Variants in LUZP2 observed in about 807,000 individuals in gnomAD.
The protein encoded by LUZP2 is leucine zipper protein 2.
In LUZP2, 52 loss-of-function variants were observed where a neutral mutation model predicts 51.6. The ratio of observed to expected loss-of-function variants is 1.01; its 90% CI spans 0.81 to 1.27. LUZP2 has a LOEUF of 1.27. Ranked by LOEUF, LUZP2 falls within the 50% of genes most tolerant of loss-of-function variation. The pLI, the probability that LUZP2 is intolerant of heterozygous loss-of-function variation, is 0.00. For missense variants in LUZP2, 436 were observed against 395.4 expected, an observed-to-expected ratio of 1.10 and a Z score of -0.87; for synonymous variants, 154 against 137.3, an observed-to-expected ratio of 1.12 and a Z score of -0.85.
intron 6 of LUZP2, among the ~76,000 whole-genome samples, chr11:24,908,911 G>A (rs1025010228): frequency 9.9e-5 from 15 of 151,362 alleles, no homozygotes; most frequent in Non-Finnish European, 2.1e-4. Context: ...CTATTAGCCC[G>A]CCACCACACC....
intron 1 of LUZP2, among the ~76,000 whole-genome samples, chr11:24,574,211 C>CCTTTCTTT (rs1169525307): frequency 0.052 from 314 of 6,068 alleles, 3 homozygotes; most frequent in Admixed American, 0.086. Context: ...TTTCTTCCTT[C>CCTTTCTTT]CTTTCTTTCT....
chr11:25,056,897 G>A (rs1438173497), intron 10 of LUZP2, among the ~76,000 whole-genome samples: 1 of 152,056 alleles, frequency 6.6e-6, no homozygotes, highest in African/African-American at 2.4e-5. Context: ...TCAGGAGATC[G>A]AGACCATCCT....
rs1266658746 is a variant in LUZP2, at chr11:24,916,151, T to C, written c.522+1613T>C. On this transcript the variant is annotated intron_variant, in intron 7 of 11. Transcript: ENST00000336930. ...CTTATTAATGCTTGAGAGCTGCCTT[T>C]AGCTTGGAAGAGGCTTTTAGCTGAA... Among the ~76,000 whole-genome samples, 8 of 151,664 alleles carry C rather than the reference T, an allele frequency of 5.3e-5. No homozygotes were observed. In the South Asian group the frequency reaches 1.5e-3, roughly 27 times the overall value.
intron 1 of LUZP2, among the ~76,000 whole-genome samples, chr11:24,579,968 A>G (rs1323475366): frequency 1.3e-5 from 2 of 152,122 alleles, no homozygotes; most frequent in Non-Finnish European, 2.9e-5. Context: ...CTTAGTGATC[A>G]GTATGAAACA....
intron 1 of LUZP2, among the ~76,000 whole-genome samples, chr11:24,568,572 A>G (rs1354897098): frequency 1.3e-5 from 2 of 151,996 alleles, no homozygotes; most frequent in African/African-American, 4.8e-5. Context: ...AGAACTTTAC[A>G]GTTTAGAAAT....
At position 24,958,853 on chromosome 11, in the gene LUZP2, A is replaced by T. The variant is rs188392688; in HGVS notation, c.523-17738A>T. ...CATGCCTATGTCCTGAATGGTAATG[A>T]CTTGGTTTTCTTCTAGGGTTTTTAT... On this transcript the variant is annotated intron_variant, in intron 7 of 11. Coordinates refer to ENST00000336930, the MANE Select transcript of LUZP2 (RefSeq NM_001009909.4). Among the ~76,000 whole-genome samples, 1,247 of 152,040 alleles carry T rather than the reference A, an allele frequency of 8.2e-3. 14 individuals carry two copies. The highest frequency in any genetic ancestry group is 0.029 in the African/African-American group (1,183 of 41,468).
intron 7 of LUZP2, among the ~76,000 whole-genome samples, chr11:24,920,703 A>AC: frequency 6.6e-6 from 1 of 152,116 alleles, no homozygotes; most frequent in Middle Eastern, 3.4e-3. Flanking sequence ...TAAAAAAAAA[A>AC]ACCTGCATGT....
chr11:24,615,899 T>G (rs914388512), intron 1 of LUZP2, among the ~76,000 whole-genome samples: 1 of 151,576 alleles, frequency 6.6e-6, no homozygotes, highest in Admixed American at 6.6e-5. Context: ...TGAATTTGCA[T>G]TTCCCTGATG....
chr11:24,896,413 C>T (rs910804728), intron 5 of LUZP2, among the ~76,000 whole-genome samples: 55 of 152,288 alleles, frequency 3.6e-4, no homozygotes, highest in African/African-American at 1.2e-3. Flanking sequence ...CAGCTCCAGG[C>T]AGTGAGGGGC....
chr11:24,512,299 C>T (rs1238337988), intron 1 of LUZP2, among the ~76,000 whole-genome samples: 3 of 151,920 alleles, frequency 2.0e-5, no homozygotes, highest in African/African-American at 7.3e-5. Context: ...TCTAACATTT[C>T]AGATCTCAGT....
intron 7 of LUZP2, among the ~76,000 whole-genome samples, chr11:24,956,437 A>C (rs945733663): frequency 6.6e-6 from 1 of 152,130 alleles, no homozygotes; most frequent in Non-Finnish European, 1.5e-5. Flanking sequence ...ACTAAGCTTG[A>C]TGATTTGTTA....
At chr11:24,677,989 A>G (rs1401512123) in intron 1 of LUZP2, among the ~76,000 whole-genome samples, 7 of 147,168 alleles carry the variant, frequency 4.8e-5, no homozygotes, top group Admixed American at 2.1e-4. Context: ...GTGAGCCAAG[A>G]TAGTGCCACT....
rs147508776 is a variant in LUZP2 at position 24,850,688 on chromosome 11, T to G, written c.397-55303T>G. Among the ~76,000 whole-genome samples, 787 of 152,292 alleles carry G rather than the reference T, an allele frequency of 5.2e-3. 5 individuals are homozygous for G. The highest frequency in any genetic ancestry group is 0.018 in the African/African-American group (752 of 41,564). ...AATGGTAGCTTGATGGAGATAGCACTGAATCTATAAATTACTTTGGGCCAT... is the reference window on the plus strand; with the variant it reads ...AATGGTAGCTTGATGGAGATAGCACGGAATCTATAAATTACTTTGGGCCAT... On this transcript the variant is annotated intron_variant, in intron 5 of 11. Coordinates refer to ENST00000336930, the MANE Select transcript of LUZP2 (RefSeq NM_001009909.4).
intron 5 of LUZP2, among the ~76,000 whole-genome samples, chr11:24,897,545 G>C (rs186355557): frequency 6.6e-6 from 1 of 152,002 alleles, no homozygotes; most frequent in African/African-American, 2.4e-5. Flanking sequence ...CACTCACCGC[G>C]AAGGTCTGCA....
intron 5 of LUZP2, among the ~76,000 whole-genome samples, chr11:24,841,360 C>T (rs1221656646): frequency 6.6e-6 from 1 of 152,002 alleles, no homozygotes; most frequent in Non-Finnish European, 1.5e-5. Flanking sequence ...TTTTCAGTCT[C>T]CAGAAAATTG....
At chr11:25,023,314 T>G (rs909626896) in intron 9 of LUZP2, among the ~76,000 whole-genome samples, 4 of 152,124 alleles carry the variant, frequency 2.6e-5, no homozygotes, top group African/African-American at 9.7e-5. Flanking sequence ...TAGCCTCAAT[T>G]TCACAGTCTG....
intron 7 of LUZP2, among the ~76,000 whole-genome samples, chr11:24,954,822 T>C (rs796579922): frequency 5.9e-5 from 9 of 152,180 alleles, no homozygotes; most frequent in African/African-American, 1.9e-4. Context: ...TTCTACAAGA[T>C]AGTATAACAT....
rs556896637 is a variant in LUZP2 at position 24,911,092 on chromosome 11, G to A, written c.460-3384G>A. Reference sequence around the variant, plus strand: ...GCTTTCAGCATTGCATGGAGCCTGTGGCCCCTTTGTTTTGGCCAATTTCTT... The same window carrying A: ...GCTTTCAGCATTGCATGGAGCCTGTAGCCCCTTTGTTTTGGCCAATTTCTT... On this transcript the variant is annotated intron_variant, in intron 6 of 11. Coordinates refer to ENST00000336930, the MANE Select transcript of LUZP2 (RefSeq NM_001009909.4). Among the ~76,000 whole-genome samples the A allele has an allele frequency of 4.6e-5, 7 of 152,248 alleles. No homozygotes were observed. In the East Asian group the frequency reaches 1.4e-3, roughly 30 times the overall value.
chr11:24,849,334 C>T (rs746532799), intron 5 of LUZP2, among the ~76,000 whole-genome samples: 7 of 151,978 alleles, frequency 4.6e-5, no homozygotes, highest in African/African-American at 7.2e-5. Context: ...CCTGTGTCCA[C>T]GTATCCTCAT....
Sources: allele counts gnomAD v4.1 joint callset (sites outside exome capture counted in the v4.1 genomes callset), GRCh38; gene constraint gnomAD v4.1.1; transcripts MANE v1.5; gene names NCBI Gene and HGNC (gene_info 2026-07-23, HGNC 2026-07-21).